Variants in SRC observed in about 807,000 individuals in gnomAD.
The protein encoded by SRC is proto-oncogene tyrosine-protein kinase Src.
SRC carries 13 observed loss-of-function variants against 62.9 expected under a neutral mutation model. The observed-to-expected ratio is 0.21, with a 90% CI of 0.13 to 0.33. The LOEUF (loss-of-function observed/expected upper bound fraction) is 0.33. SRC is among the 10% of genes least tolerant of loss of function. The pLI, the probability that SRC is intolerant of heterozygous loss-of-function variation, is 1.00. For synonymous variants in SRC, 302 were observed against 317.5 expected, an observed-to-expected ratio of 0.95 and a Z score of 0.52; for missense variants, 457 against 737.3, an observed-to-expected ratio of 0.62 and a Z score of 4.40.
intron 2 of SRC, among the ~76,000 whole-genome samples, chr20:37,373,133 T>TACACATATGTACATATAC (rs1568627930): frequency 7.0e-6 from 1 of 142,614 alleles, no homozygotes; most frequent in Non-Finnish European, 1.5e-5. Flanking sequence ...TGTACATATA[T>TACACATATGTACATATAC]ACACATATGT....
intron 2 of SRC, among the ~76,000 whole-genome samples, chr20:37,370,103 C>T (rs971563274): frequency 7.2e-5 from 11 of 152,144 alleles, no homozygotes; most frequent in African/African-American, 2.7e-4. Context: ...CCCGGCCTAG[C>T]CGTGAGGTTT....
intron 2 of SRC, among the ~76,000 whole-genome samples, chr20:37,372,536 A>G (rs2070182118): frequency 6.6e-6 from 1 of 152,136 alleles, no homozygotes; most frequent in African/African-American, 2.4e-5. Context: ...TTGTGGTTGG[A>G]AACATACTTT....
At chr20:37,373,055 TATATACACAC>T (rs11468816) in intron 2 of SRC, among the ~76,000 whole-genome samples, 1,967 of 151,992 alleles carry the variant, frequency 0.013, 37 homozygotes, top group African/African-American at 0.045. Context: ...CATATATACA[TATATACACAC>T]ATATACACAC....
intron 1 of SRC, among the ~76,000 whole-genome samples, chr20:37,357,633 G>A (rs937884414): frequency 6.6e-6 from 1 of 152,234 alleles, no homozygotes; most frequent in African/African-American, 2.4e-5. Flanking sequence ...CAGAGCTGTG[G>A]TCGGTCCATG....
chr20:37,374,637 T>C (rs1411958097), intron 2 of SRC, among the ~76,000 whole-genome samples: 3 of 147,348 alleles, frequency 2.0e-5, no homozygotes, highest in African/African-American at 5.0e-5. Flanking sequence ...TACAGTAGCG[T>C]AATCTTGGCT....
At position 37,401,696 on chromosome 20, in the gene SRC, G is replaced by T; in HGVS notation, c.1116+18G>T. On this transcript the variant is annotated intron_variant, in intron 11 of 13. Coordinates refer to ENST00000373578, the MANE Select transcript of SRC (RefSeq NM_198291.3). ...CTGCTCAGGTGAGTCAGCCCCTCCCGCCTCCCCACACCCTTGGTCCTCAAG... is the reference window on the plus strand; with the variant it reads ...CTGCTCAGGTGAGTCAGCCCCTCCCTCCTCCCCACACCCTTGGTCCTCAAG... The T allele has an allele frequency of 6.3e-7, 1 of 1,596,100 alleles. No individual in the cohort carries two copies. The highest frequency in any genetic ancestry group is 8.6e-7 in the Non-Finnish European group (1 of 1,169,282).
chr20:37,365,062 G>A (rs2070040060), intron 1 of SRC, 142 bp from the exon 2 acceptor site: 1 of 152,196 alleles, frequency 6.6e-6, no homozygotes, highest in African/African-American at 2.4e-5. Flanking sequence ...CGTGTCCATA[G>A]TAACAGATGA....
At chr20:37,347,068 T>C (rs1600944349) in intron 1 of SRC, among the ~76,000 whole-genome samples, 1 of 152,142 alleles carries the variant, frequency 6.6e-6, no homozygotes, top group Admixed American at 6.5e-5. Context: ...GCTAGGCTGG[T>C]GGAAGGATGG....
At chr20:37,373,268 G>GCA (rs10535931) in intron 2 of SRC, among the ~76,000 whole-genome samples, 1,814 of 150,024 alleles carry the variant, frequency 0.012, 13 homozygotes, top group South Asian at 0.034. Context: ...ATGTACATAC[G>GCA]CACACACACA....
rs900498235 is a variant in SRC at position 37,403,673 on chromosome 20, A to G, written c.*294A>G. 2.2e-6 allele frequency: 1 copy of G among 463,950 alleles called. No individual in the cohort carries two copies. Among genetic ancestry groups the G allele is most frequent in the South Asian group, 3.3e-5 (1 of 30,424 alleles). 28.7% of individuals were successfully genotyped at this position (463,950 alleles called of 1,614,324 possible). ...TCTGTGGGTCTCTGGAAGAGGAACCAGGAGAAGGGCTGGGGCCGGGGCTGA... is the reference window on the plus strand; with the variant it reads ...TCTGTGGGTCTCTGGAAGAGGAACCGGGAGAAGGGCTGGGGCCGGGGCTGA... On this transcript the variant is annotated 3_prime_UTR_variant, in exon 14 of 14. Transcript: ENST00000373578. This position sits in a 1 kb window ranked among gnomAD's most constrained non-coding sequence, Gnocchi z 7.1.
chr20:37,403,904 C>T lies in SRC; in HGVS notation c.*525C>T, dbSNP rs956242104. 3.7e-5 allele frequency: 9 copies of T among 243,780 alleles called. No individual in the cohort carries two copies. The highest frequency in any genetic ancestry group is 5.7e-5 in the Non-Finnish European group (7 of 123,034). 15.1% of individuals were successfully genotyped at this position (243,780 alleles called of 1,614,324 possible). A position where few individuals can be genotyped will look rare whatever the true frequency, so the allele number is the denominator to read the frequency against. On this transcript the variant is annotated 3_prime_UTR_variant, in exon 14 of 14. Coordinates refer to ENST00000373578, the MANE Select transcript of SRC (RefSeq NM_198291.3). The surrounding 1 kb of genome is among the most constrained non-coding windows in gnomAD (Gnocchi z 7.1). ...GAGGCTGCCGAGACAGACCCTCTGC[C>T]GCTGCTTCCAGGCTGGGCAGCACAA...
intron 1 of SRC, among the ~76,000 whole-genome samples, chr20:37,357,338 G>A (rs1568619360): frequency 6.6e-6 from 1 of 152,202 alleles, no homozygotes; most frequent in Non-Finnish European, 1.5e-5. Flanking sequence ...GCTCGGATGG[G>A]CCCTTCTCTT....
chr20:37,353,566 C>T (rs575969754), intron 1 of SRC, among the ~76,000 whole-genome samples: 9 of 152,326 alleles, frequency 5.9e-5, no homozygotes, highest in African/African-American at 2.2e-4. Context: ...ATTCCTCCAG[C>T]ACGGAGTTGA....
At chr20:37,369,807 C>CTT in intron 2 of SRC, among the ~76,000 whole-genome samples, 1 of 150,238 alleles carries the variant, frequency 6.7e-6, no homozygotes, top group African/African-American at 2.4e-5. Context: ...TTTTCTTTTT[C>CTT]TTTTTTTTTA....
chr20:37,360,340 C>T (rs920682962), intron 1 of SRC, among the ~76,000 whole-genome samples: 1 of 150,158 alleles, frequency 6.7e-6, no homozygotes, highest in African/African-American at 2.5e-5. Context: ...CCTTCCACCT[C>T]AGCCTCCTGA....
intron 5 of SRC, among the ~76,000 whole-genome samples, chr20:37,388,956 C>G (rs182186958): frequency 2.0e-5 from 3 of 152,210 alleles, no homozygotes; most frequent in South Asian, 2.1e-4. Context: ...GTGCCTCCCC[C>G]ACCCTGTAAG....
intron 1 of SRC, among the ~76,000 whole-genome samples, chr20:37,356,693 C>T (rs1432405835): frequency 6.6e-6 from 1 of 152,222 alleles, no homozygotes. Context: ...GCCTCCCTTC[C>T]TTTTTGGGTA....
chr20:37,360,759 CACTT>C (rs763785042), intron 1 of SRC, among the ~76,000 whole-genome samples: 7 of 152,212 alleles, frequency 4.6e-5, no homozygotes, highest in Non-Finnish European at 7.3e-5. Flanking sequence ...TGATAGCAAA[CACTT>C]AGGGCACACT....
chr20:37,400,628 C>T (rs1433706138), intron 10 of SRC, among the ~76,000 whole-genome samples: 1 of 152,002 alleles, frequency 6.6e-6, no homozygotes, highest in Non-Finnish European at 1.5e-5. Context: ...GGAGTCCTCC[C>T]ACTTCCACCT....
Sources: allele counts gnomAD v4.1 joint callset (sites outside exome capture counted in the v4.1 genomes callset), GRCh38; gene constraint gnomAD v4.1.1; non-coding constraint Gnocchi (gnomAD v3.1); transcripts MANE v1.5; gene names NCBI Gene and HGNC (gene_info 2026-07-23, HGNC 2026-07-21).